The following LARP4 variants were observed in gnomAD, a reference collection of about 807,000 sequenced individuals.
LARP4 encodes the protein la-related protein 4.
Under a neutral mutation model 92.9 loss-of-function variants are expected in LARP4, and 29 were observed. The observed-to-expected ratio is 0.31, with a 90% CI of 0.23 to 0.43. The LOEUF (loss-of-function observed/expected upper bound fraction) is 0.43, where lower values mean the gene tolerates loss of function less well. Ranked by LOEUF, LARP4 falls within the 20% of genes least tolerant of loss-of-function variation. LARP4 has a pLI of 1.00. For synonymous variants in LARP4, 279 were observed against 284.1 expected, an observed-to-expected ratio of 0.98 and a Z score of 0.18; for missense variants, 732 against 860.0, an observed-to-expected ratio of 0.85 and a Z score of 1.86.
Position 50,427,845 on chromosome 12 carries a change from A to G in LARP4, c.102A>G (p.Pro34=). The change falls in exon 2 of 16, where the codon CCA becomes CCG. Residue 34 remains proline (P), a synonymous_variant. Transcript: ENST00000398473. ...EIAPGNTDAT[P]VTHGTESSWH... ...CTCCTGGAAATACTGATGCCACCCC[A>G]GTAACTCATGGAACTGAAAGCTCTT... is the stretch of plus-strand genomic sequence containing the variant. 6.2e-7 allele frequency: 1 copy of G among 1,605,274 alleles called. No homozygotes were observed. Among genetic ancestry groups the G allele is most frequent in the African/African-American group, 1.3e-5 (1 of 74,968 alleles).
intron 1 of LARP4, among the ~76,000 whole-genome samples, chr12:50,414,943 G>A (rs1201547359): frequency 1.3e-5 from 2 of 152,222 alleles, no homozygotes; most frequent in South Asian, 2.1e-4. Flanking sequence ...AGTGGCTCAC[G>A]CCTGTAATCC....
In LARP4 at chr12:50,437,748, A is replaced by G. The variant is rs1197480461; in HGVS notation, c.549A>G (p.Val183=). The stretch of plus-strand genomic sequence containing the variant: ...TTTAAATTTCAGCTTCTCCCATGGT[A>G]CAAGTTGATGAGAAGGGTGAGAAAG... The part of the protein sequence containing the change: ...ILEVLRSSPM[V]QVDEKGEKVR... The change falls in exon 6 of 16, where the codon GTA becomes GTG. Residue 183 remains valine, a synonymous_variant. Transcript: ENST00000398473. The G allele has an allele frequency of 1.2e-6, 2 of 1,605,616 alleles. No individual in the cohort carries two copies. Among genetic ancestry groups the G allele is most frequent in the South Asian group, 2.2e-5 (2 of 90,764 alleles).
chr12:50,409,518 T>C (rs1945455585), intron 1 of LARP4, among the ~76,000 whole-genome samples: 1 of 152,038 alleles, frequency 6.6e-6, no homozygotes, highest in African/African-American at 2.4e-5. Context: ...CCCAGCACTT[T>C]GGGAGGCCAA....
chr12:50,473,823 T>TGGGGGGGTGGGGGGGGG (rs1957227898), intron 14 of LARP4, among the ~76,000 whole-genome samples, 176 bp from the exon 15 acceptor site: 2 of 18,094 alleles, frequency 1.1e-4, no homozygotes, highest in African/African-American at 4.6e-4. Flanking sequence ...GTGGGGGGGG[T>TGGGGGGGTGGGGGGGGG]GGGGGGTGCG....
chr12:50,404,690 T>A (rs1944472475), intron 1 of LARP4, among the ~76,000 whole-genome samples: 1 of 144,992 alleles, frequency 6.9e-6, no homozygotes, highest in East Asian at 2.0e-4. Context: ...AGTTTTTTTT[T>A]TTTTTTTTTT....
intron 1 of LARP4, chr12:50,402,610 G>C (rs1944072568): frequency 3.8e-6 from 1 of 264,294 alleles, no homozygotes; most frequent in Admixed American, 5.3e-5. Flanking sequence ...TTTAATAACA[G>C]CTCCATTTAT....
intron 4 of LARP4, among the ~76,000 whole-genome samples, chr12:50,433,352 A>G (rs909920100): frequency 8.7e-5 from 13 of 148,762 alleles, no homozygotes; most frequent in Admixed American, 7.5e-4. Flanking sequence ...GATCCATCAC[A>G]TCCTACTCAG....
At chr12:50,438,224 C>T (rs981995251) in intron 6 of LARP4, among the ~76,000 whole-genome samples, 2 of 151,200 alleles carry the variant, frequency 1.3e-5, no homozygotes, top group South Asian at 2.1e-4. Flanking sequence ...GGGCTGGGCG[C>T]GGGGTGGCTC....
At chr12:50,452,779 C>CAAT (rs1953464251) in intron 8 of LARP4, among the ~76,000 whole-genome samples, 2 of 151,746 alleles carry the variant, frequency 1.3e-5, no homozygotes, top group Admixed American at 1.3e-4. Flanking sequence ...GTTCTGTGAA[C>CAAT]GCTGTTCATA....
At chr12:50,435,278 A>G (rs886675265) in intron 4 of LARP4, among the ~76,000 whole-genome samples, 12 of 152,248 alleles carry the variant, frequency 7.9e-5, no homozygotes, top group African/African-American at 2.9e-4. Flanking sequence ...TGTAAAAGTT[A>G]TATTAACTAA....
In LARP4 at chr12:50,475,587, T is replaced by C. The variant is rs372751783; in HGVS notation, c.1898T>C (p.Val633Ala). ...AAGCCCCCTAAAGAGCCATCTTCAG[T>C]TCTTGTGCAGCCACTACGGGAACTT... ...CQKPPKEPSS[V>A]LVQPLRELRS... Residue 633 changes from valine to alanine, a missense_variant, in exon 16 of 16, where the codon GTT becomes GCT. Around this residue, in one of 7 missense-constraint regions of LARP4, gnomAD observed 115 missense variants for 129.1 expected, o/e 0.89. Transcript: ENST00000398473. 5.6e-6 allele frequency: 9 copies of C among 1,614,002 alleles called. No individual in the cohort carries two copies. The Admixed American group carries it at 1.3e-4, about 24-fold the overall frequency.
intron 5 of LARP4, 151 bp downstream of exon 5, chr12:50,435,775 T>C: frequency 8.0e-6 from 5 of 628,372 alleles, no homozygotes; most frequent in Non-Finnish European, 1.3e-5. Flanking sequence ...TGTTTTTTTT[T>C]TTCGGGGGTT....
chr12:50,443,705 G>A (rs559660546), intron 8 of LARP4, among the ~76,000 whole-genome samples: 5 of 152,276 alleles, frequency 3.3e-5, no homozygotes, highest in African/African-American at 1.2e-4. Flanking sequence ...TCCACCTCCT[G>A]GGTTCAAGCG....
chr12:50,442,157 A>G (rs534279747), intron 8 of LARP4, among the ~76,000 whole-genome samples: 1 of 152,362 alleles, frequency 6.6e-6, no homozygotes, highest in East Asian at 1.9e-4. Flanking sequence ...CAAAGGGGTA[A>G]CTTCAAATAG....
rs1957507530 is a variant in LARP4, at chr12:50,476,012, G to A, written c.*148G>A. 1 of 610,222 alleles carries A rather than the reference G, an allele frequency of 1.6e-6. No homozygotes were observed. The highest frequency in any genetic ancestry group is 2.8e-5 in the South Asian group (1 of 35,244). The allele number at this position is 610,222 out of a possible 1,614,324, so 37.8% of individuals were successfully genotyped here. ...CATTATGGATTTTGGAGTTGTGAGTGATAGGATCCCAAAATTCATCTCTAA... is the reference window on the plus strand; with the variant it reads ...CATTATGGATTTTGGAGTTGTGAGTAATAGGATCCCAAAATTCATCTCTAA... On this transcript the variant is annotated 3_prime_UTR_variant, in exon 16 of 16. Transcript: ENST00000398473.
Position 50,436,129 on chromosome 12 carries a change from GTGTGTGTGTGT to G in LARP4, c.535+506_535+516del, listed in dbSNP as rs1324325186. ...GTGTGTGTGTGTGTGTGATATGTGTGTGTGTGTGTGTATATATCCCGCTGGGGTGTGTGTGT... is the reference window on the plus strand; with the variant it reads ...GTGTGTGTGTGTGTGTGATATGTGTGATATATCCCGCTGGGGTGTGTGTGT... On this transcript the variant is annotated intron_variant, in intron 5 of 15. Transcript: ENST00000398473. Among the ~76,000 whole-genome samples, 557 of 144,358 alleles carry G rather than the reference GTGTGTGTGTGT, an allele frequency of 3.9e-3. 6 individuals carry two copies. The highest frequency in any genetic ancestry group is 0.014 in the African/African-American group (522 of 37,652). 94.7% of individuals were successfully genotyped at this position (144,358 alleles called of 152,430 possible). A position where few individuals can be genotyped will look rare whatever the true frequency, so the allele number is the denominator to read the frequency against.
intron 8 of LARP4, among the ~76,000 whole-genome samples, chr12:50,450,210 G>A (rs989946003): frequency 1.1e-4 from 17 of 151,906 alleles, no homozygotes; most frequent in African/African-American, 3.4e-4. Context: ...GATTACAGGC[G>A]TGAGCCACCC....
At chr12:50,416,184 TAG>T (rs1946756644) in intron 1 of LARP4, among the ~76,000 whole-genome samples, 1 of 152,188 alleles carries the variant, frequency 6.6e-6, no homozygotes, top group Admixed American at 6.6e-5. Context: ...GAGTTCCTAA[TAG>T]AGAGTGGCTT....
chr12:50,414,791 A>G (rs780215663), intron 1 of LARP4, among the ~76,000 whole-genome samples: 1 of 152,196 alleles, frequency 6.6e-6, no homozygotes, highest in Non-Finnish European at 1.5e-5. Flanking sequence ...GAGATAGACC[A>G]TATTTAACTA....
Sources: allele counts gnomAD v4.1 joint callset (sites outside exome capture counted in the v4.1 genomes callset), GRCh38; gene constraint gnomAD v4.1.1; regional missense constraint gnomAD v4.1.1; transcripts MANE v1.5; gene names NCBI Gene and HGNC (gene_info 2026-07-23, HGNC 2026-07-21).